ELF2: variants seen among roughly 807,000 people sequenced by gnomAD.
ELF2 encodes the protein ETS-related transcription factor Elf-2.
A neutral mutation model predicts 54.8 loss-of-function variants in ELF2; 11 were observed. The observed-to-expected ratio is 0.20, with a 90% CI of 0.13 to 0.33. The LOEUF (loss-of-function observed/expected upper bound fraction) is 0.33. Ranked by LOEUF, ELF2 falls within the 10% of genes least tolerant of loss-of-function variation. ELF2 has a pLI of 1.00. For synonymous variants in ELF2, 203 were observed against 245.1 expected (o/e 0.83, Z 1.61); for missense variants, 513 against 703.0 (o/e 0.73, Z 3.06).
chr4:139,098,164 G>A (rs1733483932), intron 4 of ELF2, among the ~76,000 whole-genome samples: 1 of 152,170 alleles, frequency 6.6e-6, no homozygotes, highest in African/African-American at 2.4e-5. Flanking sequence ...TAAGCCCTTT[G>A]TAGTTGAATT....
chr4:139,151,930 C>A lies in ELF2; in HGVS notation c.-251-12433G>T, dbSNP rs28588691. Among the ~76,000 whole-genome samples the A allele has an allele frequency of 3.4e-3, 524 of 152,320 alleles. 3 individuals are homozygous for A. Among genetic ancestry groups the A allele is most frequent in the African/African-American group, 0.012 (511 of 41,558 alleles). On this transcript the variant is annotated intron_variant, in intron 1 of 9. Coordinates refer to ENST00000686138, the MANE Select transcript of ELF2 (RefSeq NM_001331036.3). ...CTAATTTGTGAGCAAGCTGTATCAG[C>A]ATGAGGGTCAATTATCTTACTTGCT...
chr4:139,092,004 CAT>C (rs991602886), intron 4 of ELF2, among the ~76,000 whole-genome samples: 14 of 147,660 alleles, frequency 9.5e-5, no homozygotes, highest in African/African-American at 1.5e-4. Context: ...TATATATATA[CAT>C]ATATATATAT....
intron 4 of ELF2, among the ~76,000 whole-genome samples, chr4:139,106,099 G>A (rs1041766322): frequency 2.6e-5 from 4 of 152,178 alleles, no homozygotes; most frequent in African/African-American, 9.7e-5. Flanking sequence ...CATGGAGATA[G>A]AAGGGATCTT....
intron 4 of ELF2, among the ~76,000 whole-genome samples, chr4:139,112,918 T>G (rs1173646287): frequency 6.6e-6 from 1 of 152,010 alleles, no homozygotes; most frequent in African/African-American, 2.4e-5. Flanking sequence ...AAAAAAAATT[T>G]TTTAAGTCTC....
intron 4 of ELF2, among the ~76,000 whole-genome samples, chr4:139,098,764 G>A (rs1260162457): frequency 2.6e-5 from 4 of 152,200 alleles, no homozygotes; most frequent in Non-Finnish European, 4.4e-5. Context: ...CACCGTGCCC[G>A]GCCGATATTT....
At chr4:139,105,949 T>C (rs1369134473) in intron 4 of ELF2, among the ~76,000 whole-genome samples, 4 of 152,184 alleles carry the variant, frequency 2.6e-5, no homozygotes, top group Non-Finnish European at 5.9e-5. Context: ...TTGTTAGAAA[T>C]GCAAATTCTC....
intron 4 of ELF2, among the ~76,000 whole-genome samples, chr4:139,108,018 CTTTAAGGCA>C (rs1734591386): frequency 6.6e-6 from 1 of 151,300 alleles, no homozygotes; most frequent in Non-Finnish European, 1.5e-5. Flanking sequence ...GAATGTGTAT[CTTTAAGGCA>C]TTTGATTTTA....
At position 139,059,534 on chromosome 4, in the gene ELF2, G is replaced by C. The variant is rs760801813; in HGVS notation, c.1231C>G (p.Gln411Glu). ...LGQKISTVAV[Q>E]SVNAGAPLIT... ...AATGGTGCACCTGCATTAACTGACT[G>C]AACTGCCACAGTTGAAATTTTCTGA... Residue 411 changes from glutamine to glutamate, a missense_variant, in exon 10 of 10, where the codon CAG becomes GAG. Gln to Glu is a conservative substitution (Grantham distance 29). Coordinates refer to ENST00000686138, the MANE Select transcript of ELF2 (RefSeq NM_001331036.3). 6.2e-7 allele frequency: 1 copy of C among 1,613,760 alleles called. No individual in the cohort carries two copies. The highest frequency in any genetic ancestry group is 1.1e-5 in the South Asian group (1 of 91,062).
chr4:139,082,045 C>G (rs1356462), intron 4 of ELF2, among the ~76,000 whole-genome samples: 25,851 of 152,048 alleles, frequency 0.17, 2,799 homozygotes, highest in South Asian at 0.34. Flanking sequence ...CTTTTATATA[C>G]ACACATATAT....
chr4:139,104,140 CA>C (rs1161003608), intron 4 of ELF2, among the ~76,000 whole-genome samples: 3 of 151,958 alleles, frequency 2.0e-5, no homozygotes, highest in Non-Finnish European at 4.4e-5. Flanking sequence ...CAAACAACAA[CA>C]AAAAACTGTT....
At chr4:139,114,935 T>A in intron 4 of ELF2, 1 of 1,613,176 alleles carries the variant, frequency 6.2e-7, no homozygotes, top group Non-Finnish European at 8.5e-7. Context: ...GACCCTCACT[T>A]CTTCTGGGGT....
At chr4:139,132,199 C>A (rs1344271366) in intron 3 of ELF2, among the ~76,000 whole-genome samples, 2 of 151,392 alleles carry the variant, frequency 1.3e-5, no homozygotes, top group Admixed American at 6.6e-5. Context: ...GGTACAAAAA[C>A]CAAAAAAATA....
intron 1 of ELF2, among the ~76,000 whole-genome samples, chr4:139,161,903 G>C (rs999659550): frequency 9.9e-5 from 15 of 151,942 alleles, no homozygotes; most frequent in African/African-American, 3.6e-4. Context: ...GATCATCCTG[G>C]CTAACACGGT....
At chr4:139,106,044 T>G (rs1734369975) in intron 4 of ELF2, among the ~76,000 whole-genome samples, 1 of 152,204 alleles carries the variant, frequency 6.6e-6, no homozygotes, top group South Asian at 2.1e-4. Context: ...TGATAATTCT[T>G]ATGTATGCTT....
At chr4:139,151,432 C>G (rs972150990) in intron 1 of ELF2, among the ~76,000 whole-genome samples, 5 of 152,100 alleles carry the variant, frequency 3.3e-5, no homozygotes, top group African/African-American at 1.2e-4. Flanking sequence ...CTCTCCCACC[C>G]CCAAAAAGGT....
chr4:139,155,781 A>C, intron 1 of ELF2, among the ~76,000 whole-genome samples: 1 of 152,204 alleles, frequency 6.6e-6, no homozygotes, highest in Non-Finnish European at 1.5e-5. Context: ...TTTGAGGAAA[A>C]CCAAGTGTAA....
chr4:139,141,998 T>C (rs926643894), intron 1 of ELF2, among the ~76,000 whole-genome samples: 42 of 152,162 alleles, frequency 2.8e-4, no homozygotes, highest in Admixed American at 1.9e-3. Flanking sequence ...AAACACTAAA[T>C]GAGCACTATT....
chr4:139,073,390 A>T, intron 5 of ELF2, 64 bp downstream of exon 5: 1 of 1,203,802 alleles, frequency 8.3e-7, no homozygotes. Flanking sequence ...AAAAACAAAA[A>T]ACTTTATTTT....
At chr4:139,115,172 G>A (rs1046469536) in intron 4 of ELF2, 3 of 1,612,290 alleles carry the variant, frequency 1.9e-6, no homozygotes, top group African/African-American at 1.3e-5. Context: ...AGGTTGAGGC[G>A]CTTCCGTAGC....
Sources: gnomAD v4.1 joint callset for allele counts (sites outside exome capture counted in the v4.1 genomes callset) on GRCh38, gnomAD v4.1.1 for gene constraint, MANE v1.5 for transcripts, NCBI Gene and HGNC (gene_info 2026-07-23, HGNC 2026-07-21) for gene names.